The following COL15A1 variants were observed in gnomAD, a reference collection of about 807,000 sequenced individuals.
The protein encoded by COL15A1 is collagen type XV alpha 1 chain.
In COL15A1, 111 loss-of-function variants were observed where a neutral mutation model predicts 165.9. The ratio of observed to expected loss-of-function variants is 0.67; its 90% CI spans 0.57 to 0.78. The LOEUF is 0.78. COL15A1 is among the 30% of genes least tolerant of loss of function. COL15A1 has a pLI of 0.00. For synonymous variants in COL15A1, 659 were observed against 674.8 expected, an observed-to-expected ratio of 0.98 and a Z score of 0.36; for missense variants, 1,745 against 1,789.7, an observed-to-expected ratio of 0.98 and a Z score of 0.45.
At chr9:99,021,509 G>A (rs1385146080) in intron 12 of COL15A1, among the ~76,000 whole-genome samples, 1 of 152,118 alleles carries the variant, frequency 6.6e-6, no homozygotes, top group Non-Finnish European at 1.5e-5. Context: ...AAACCTCCTG[G>A]GATGCCACTC....
chr9:99,011,219 G>A (rs547718557), intron 9 of COL15A1, among the ~76,000 whole-genome samples: 1 of 152,104 alleles, frequency 6.6e-6, no homozygotes, highest in Non-Finnish European at 1.5e-5. Flanking sequence ...CAATTCTTTA[G>A]TGTATAAGTG....
At chr9:99,045,201 A>G (rs896145549) in intron 26 of COL15A1, among the ~76,000 whole-genome samples, 3 of 152,218 alleles carry the variant, frequency 2.0e-5, no homozygotes, top group African/African-American at 7.2e-5. Flanking sequence ...CTCAAAATGT[A>G]GTTTAGCTGT....
intron 2 of COL15A1, among the ~76,000 whole-genome samples, chr9:98,960,423 A>G (rs899113800): frequency 4.6e-5 from 7 of 152,202 alleles, no homozygotes; most frequent in African/African-American, 1.7e-4. Flanking sequence ...AAAGAAAAAA[A>G]AGAAAAGAAA....
intron 2 of COL15A1, among the ~76,000 whole-genome samples, chr9:98,976,823 GC>G (rs1447147354): frequency 5.3e-5 from 8 of 152,182 alleles, no homozygotes; most frequent in Admixed American, 5.2e-4. Flanking sequence ...TGCCATATAT[GC>G]TACATAGAGT....
chr9:99,007,521 G>T (rs1838782966), intron 9 of COL15A1, among the ~76,000 whole-genome samples: 3 of 152,138 alleles, frequency 2.0e-5, no homozygotes, highest in Admixed American at 1.3e-4. Flanking sequence ...TAGACAGGTA[G>T]GTCCCATGTT....
chr9:99,036,490 G>T, intron 21 of COL15A1, 94 bp downstream of exon 21: 2 of 1,339,594 alleles, frequency 1.5e-6, no homozygotes, highest in Non-Finnish European at 2.1e-6. Context: ...TTCTGGCTAT[G>T]CAGGAGGCAT....
chr9:99,027,954 G>A (rs1431823535), intron 16 of COL15A1, among the ~76,000 whole-genome samples: 3 of 152,220 alleles, frequency 2.0e-5, no homozygotes, highest in African/African-American at 7.2e-5. Flanking sequence ...AACAGCTTCA[G>A]GGCTGTAGTA....
chr9:98,982,614 T>TGAC (rs1377963038), intron 2 of COL15A1, among the ~76,000 whole-genome samples: 2 of 125,256 alleles, frequency 1.6e-5, no homozygotes, highest in East Asian at 3.0e-4. Flanking sequence ...ATGACAGTGA[T>TGAC]GACGATGATG....
chr9:98,960,378 TGGGTGACAAA>T (rs1435917953), intron 2 of COL15A1, among the ~76,000 whole-genome samples: 1 of 151,958 alleles, frequency 6.6e-6, no homozygotes, highest in Non-Finnish European at 1.5e-5. Context: ...AACCCCAGCC[TGGGTGACAAA>T]GGGAGACTCT....
chr9:98,982,113 T>G (rs1486149206), intron 2 of COL15A1, among the ~76,000 whole-genome samples: 1 of 151,892 alleles, frequency 6.6e-6, no homozygotes, highest in African/African-American at 2.4e-5. Flanking sequence ...ATTTTAAAAT[T>G]TTAAAAAATG....
Position 99,000,859 on chromosome 9 carries a change from G to T in COL15A1, c.973G>T (p.Asp325Tyr). The T allele has an allele frequency of 6.3e-7, 1 of 1,585,582 alleles. No individual in the cohort carries two copies. The highest frequency in any genetic ancestry group is 1.1e-5 in the South Asian group (1 of 90,316). The change falls in exon 7 of 42, where the codon GAC (aspartate) becomes TAC (tyrosine). Residue 325 changes from aspartate (D) to tyrosine (Y), a missense_variant. Physicochemically the swap from Asp to Tyr is radical, Grantham distance 160. Transcript: ENST00000375001. Reference protein sequence around the residue: ...PKQGSGEILNDTLEGVHSVDG... With the variant: ...PKQGSGEILNYTLEGVHSVDG... ...TGTAGGGTCTGGTGAGATCCTGAAT[G>T]ACACACTGGAGGGGGTTCATTCTGT...
At chr9:98,955,737 A>C (rs1008780894) in intron 2 of COL15A1, among the ~76,000 whole-genome samples, 9 of 152,252 alleles carry the variant, frequency 5.9e-5, no homozygotes, top group African/African-American at 1.9e-4. Flanking sequence ...CTCACAGAAC[A>C]TAGAGTAGAG....
intron 36 of COL15A1, among the ~76,000 whole-genome samples, chr9:99,060,496 T>G (rs762427436): frequency 6.7e-6 from 1 of 150,114 alleles, no homozygotes; most frequent in African/African-American, 2.5e-5. Context: ...CTTGAACTCA[T>G]GGGCCACCAA....
rs117034632 is a variant in COL15A1 at position 98,962,459 on chromosome 9, G to T, written c.100+18209G>T. 9.2e-3 allele frequency among the ~76,000 whole-genome samples: 1,407 copies of T among 152,314 alleles called. 15 individuals are homozygous for T. Among genetic ancestry groups the T allele is most frequent in the East Asian group, 0.036 (188 of 5,190 alleles). On this transcript the variant is annotated intron_variant, in intron 2 of 41. Transcript: ENST00000375001. The stretch of plus-strand genomic sequence containing the variant: ...CCTGGAGGATTTTACTCAGTGGTTG[G>T]TAATTTGTGGTGAGGAGACCAGTAA...
At position 99,065,973 on chromosome 9, in the gene COL15A1, G is replaced by A. The variant is rs150322942; in HGVS notation, c.3652-909G>A. Among the ~76,000 whole-genome samples, 1,144 of 151,936 alleles carry A rather than the reference G, an allele frequency of 7.5e-3. 10 individuals are homozygous for A. The highest frequency in any genetic ancestry group is 0.026 in the African/African-American group (1,092 of 41,402). On this transcript the variant is annotated intron_variant, in intron 39 of 41. Coordinates refer to ENST00000375001, the MANE Select transcript of COL15A1 (RefSeq NM_001855.5). ...AGAAACCAGGAGAGAAACACTGGCCGCCTCCTGCCCCACCGCCTGAGCCTC... is the reference window on the plus strand; with the variant it reads ...AGAAACCAGGAGAGAAACACTGGCCACCTCCTGCCCCACCGCCTGAGCCTC...
At chr9:98,952,073 C>T (rs1198449206) in intron 2 of COL15A1, among the ~76,000 whole-genome samples, 1 of 152,318 alleles carries the variant, frequency 6.6e-6, no homozygotes, top group East Asian at 1.9e-4. Context: ...ATGGGCCTGT[C>T]CAACTCTGAA....
intron 2 of COL15A1, among the ~76,000 whole-genome samples, chr9:98,971,643 C>G (rs1838056134): frequency 6.6e-6 from 1 of 152,222 alleles, no homozygotes; most frequent in South Asian, 2.1e-4. Context: ...CGTAAAGACC[C>G]CCACTGCAGC....
rs760898049 is a variant in COL15A1, at chr9:99,049,691, G to A, written c.2795G>A (p.Gly932Asp). The A allele has an allele frequency of 1.9e-6, 3 of 1,612,972 alleles. No individual in the cohort carries two copies. Among genetic ancestry groups the A allele is most frequent in the African/African-American group, 1.3e-5 (1 of 74,896 alleles). Reference protein sequence around the residue: ...TKGDPGVIMQGPPGLPGPPGP... With the variant: ...TKGDPGVIMQDPPGLPGPPGP... ...AATGGCCTTTTTTTCTTCCTTCAGG[G>A]CCCACCTGGCTTACCTGGCCCTCCA... The change falls in exon 29 of 42, where the codon GGC (glycine) becomes GAC (aspartate). Residue 932 changes from glycine to aspartate, a missense_variant and splice_region_variant. By Grantham distance (94) the Gly-to-Asp change is moderately conservative. Transcript: ENST00000375001.
At chr9:99,066,602 T>TTTTTTTTTG in intron 39 of COL15A1, among the ~76,000 whole-genome samples, 1 of 114,614 alleles carries the variant, frequency 8.7e-6, no homozygotes, top group Admixed American at 9.5e-5. Context: ...TTGTTCTGTT[T>TTTTTTTTTG]TTTTTTTTTT....
Sources: gnomAD v4.1 joint callset for allele counts (sites outside exome capture counted in the v4.1 genomes callset) on GRCh38, gnomAD v4.1.1 for gene constraint, MANE v1.5 for transcripts, NCBI Gene and HGNC (gene_info 2026-07-23, HGNC 2026-07-21) for gene names.